CDC25C: variants seen among roughly 807,000 people sequenced by gnomAD.
The protein encoded by CDC25C is M-phase inducer phosphatase 3.
CDC25C carries 48 observed loss-of-function variants against 52.5 expected under a neutral mutation model. The ratio of observed to expected loss-of-function variants is 0.91; its 90% confidence interval spans 0.72 to 1.16. The LOEUF is 1.16. Among genes scored for constraint, CDC25C ranks in the 50% most tolerant of loss-of-function variants. CDC25C has a pLI of 0.00. For synonymous variants in CDC25C, 187 were observed against 206.5 expected (o/e 0.91, Z 0.81); for missense variants, 510 against 566.1 (o/e 0.90, Z 1.01).
intron 7 of CDC25C, among the ~76,000 whole-genome samples, chr5:138,306,769 C>A (rs571896179): frequency 4.2e-4 from 64 of 151,584 alleles, no homozygotes; most frequent in Non-Finnish European, 7.7e-4. Context: ...AGCCAATGTG[C>A]CTGGCCTATT....
At chr5:138,311,620 G>C (rs1459404618) in intron 7 of CDC25C, among the ~76,000 whole-genome samples, 1 of 152,072 alleles carries the variant, frequency 6.6e-6, no homozygotes, top group African/African-American at 2.4e-5. Flanking sequence ...GGAGGGGGTT[G>C]GGGGAGGCAC....
chr5:138,289,922 G>A (rs1317001781), intron 9 of CDC25C, among the ~76,000 whole-genome samples: 1 of 151,782 alleles, frequency 6.6e-6, no homozygotes, highest in Non-Finnish European at 1.5e-5. Flanking sequence ...GAAATGGGCT[G>A]GGCATGGTGG....
chr5:138,293,991 C>T (rs1036579245), intron 7 of CDC25C, among the ~76,000 whole-genome samples: 4 of 150,690 alleles, frequency 2.7e-5, no homozygotes, highest in African/African-American at 9.7e-5. Flanking sequence ...TTTGCCAACT[C>T]AAGGTCACAA....
chr5:138,319,765 A>G (rs1759200380), intron 6 of CDC25C, among the ~76,000 whole-genome samples: 1 of 152,244 alleles, frequency 6.6e-6, no homozygotes, highest in South Asian at 2.1e-4. Flanking sequence ...CAAATGGCCC[A>G]TAAGCACATC....
chr5:138,322,943 AT>A (rs1002781021), intron 6 of CDC25C, among the ~76,000 whole-genome samples: 16 of 144,722 alleles, frequency 1.1e-4, no homozygotes, highest in African/African-American at 1.5e-4. Flanking sequence ...TTTTATTTTT[AT>A]TTTTTTTTCC....
chr5:138,304,720 C>T (rs1251914311), intron 7 of CDC25C, among the ~76,000 whole-genome samples: 1 of 152,002 alleles, frequency 6.6e-6, no homozygotes, highest in African/African-American at 2.4e-5. Context: ...GTTGCCTAGA[C>T]TGGTCTCAAA....
Position 138,331,023 on chromosome 5 carries a change from AATTTGC to A in CDC25C, c.152_157del (p.Gly51_Phe53delinsVal). ...GCTTAGGTTTGCAGAATCACCAAGA[AATTTGC>A]CCACTGGAGTTCTAGGGACATCTGG... On this transcript the variant is annotated inframe_deletion, in exon 2 of 14. Transcript: ENST00000323760. The A allele has an allele frequency of 6.2e-7, 1 of 1,614,044 alleles. No homozygotes were observed.
At chr5:138,326,678 G>A (rs1759887226) in intron 4 of CDC25C, among the ~76,000 whole-genome samples, 1 of 152,138 alleles carries the variant, frequency 6.6e-6, no homozygotes, top group African/African-American at 2.4e-5. Context: ...TTCTGGCGGG[G>A]CGCTGTGGCC....
At chr5:138,299,713 A>G (rs1757496168) in intron 7 of CDC25C, among the ~76,000 whole-genome samples, 1 of 151,722 alleles carries the variant, frequency 6.6e-6, no homozygotes, top group African/African-American at 2.4e-5. Flanking sequence ...GAAGATCTCA[A>G]ATCAATTACC....
chr5:138,311,071 T>C (rs1019264968), intron 7 of CDC25C, among the ~76,000 whole-genome samples: 3 of 152,138 alleles, frequency 2.0e-5, no homozygotes, highest in Non-Finnish European at 4.4e-5. Context: ...GCCAAGACCA[T>C]TCAATGAAGA....
intron 10 of CDC25C, among the ~76,000 whole-genome samples, chr5:138,288,074 T>C (rs1756397466): frequency 6.6e-6 from 1 of 152,028 alleles, no homozygotes; most frequent in Admixed American, 6.6e-5. Context: ...TTCATCATGA[T>C]CCTTTTTTTT....
intron 7 of CDC25C, among the ~76,000 whole-genome samples, chr5:138,313,985 TTCTTTCTTTC>T (rs1395022180): frequency 5.7e-4 from 59 of 103,204 alleles, no homozygotes; most frequent in Non-Finnish European, 1.2e-3. Flanking sequence ...CTTTCTTTCT[TTCTTTCTTTC>T]TTTTTTTTTT....
At chr5:138,295,348 C>T (rs1365678308) in intron 7 of CDC25C, among the ~76,000 whole-genome samples, 1 of 152,196 alleles carries the variant, frequency 6.6e-6, no homozygotes, top group Admixed American at 6.5e-5. Flanking sequence ...TGGTAGCTCA[C>T]ACCTGTAATC....
rs141452946 is a variant in CDC25C, at chr5:138,299,838, T to C, written c.616-7722A>G. Among the ~76,000 whole-genome samples the C allele has an allele frequency of 4.0e-3, 606 of 152,018 alleles. 7 individuals are homozygous for C. The highest frequency in any genetic ancestry group is 0.014 in the African/African-American group (578 of 41,464). On this transcript the variant is annotated intron_variant, in intron 7 of 13. Coordinates refer to ENST00000323760, the MANE Select transcript of CDC25C (RefSeq NM_001790.5). ...ACAACAGAACCAAAAGTTGGTTCTTTGAAAAGATCAGCAAAAATCGACAAA... is the reference window on the plus strand; with the variant it reads ...ACAACAGAACCAAAAGTTGGTTCTTCGAAAAGATCAGCAAAAATCGACAAA...
upstream of CDC25C, among the ~76,000 whole-genome samples, chr5:138,336,464 G>A (rs1760711870): frequency 6.6e-6 from 1 of 152,122 alleles, no homozygotes; most frequent in Non-Finnish European, 1.5e-5. Context: ...TGGGAAGATT[G>A]TTTGAGGCCA....
In CDC25C at chr5:138,325,852, CT is replaced by C; in HGVS notation, c.421del (p.Arg141GlufsTer23). Reference protein sequence around the residue: ...PNGLDRGHRKRDAMCSSSANK... With the variant: ...PNGLDRGHRKXDAMCSSSANK... ...TGCAGATGAACTACACATTGCATCT[CT>C]CTTTCTATGGCCACGGTCCAAACCA... On this transcript the variant is annotated frameshift_variant, in exon 6 of 14. Transcript: ENST00000323760. LOFTEE classifies it high-confidence loss of function. The C allele has an allele frequency of 6.2e-7, 1 of 1,614,100 alleles. No individual in the cohort carries two copies. Among genetic ancestry groups the C allele is most frequent in the Non-Finnish European group, 8.5e-7 (1 of 1,179,946 alleles).
At chr5:138,318,562 A>G (rs1161584268) in intron 7 of CDC25C, among the ~76,000 whole-genome samples, 1 of 152,044 alleles carries the variant, frequency 6.6e-6, no homozygotes, top group African/African-American at 2.4e-5. Context: ...AAAAATACTA[A>G]AAATTACCCG....
intron 7 of CDC25C, among the ~76,000 whole-genome samples, chr5:138,310,245 C>T (rs147585849): frequency 4.1e-4 from 63 of 152,310 alleles, no homozygotes; most frequent in African/African-American, 1.4e-3. Flanking sequence ...TCTCCAATCT[C>T]GCTTCCAGGC....
intron 2 of CDC25C, among the ~76,000 whole-genome samples, chr5:138,329,959 A>G (rs540412225): frequency 6.6e-6 from 1 of 151,982 alleles, no homozygotes; most frequent in African/African-American, 2.4e-5. Flanking sequence ...TTAAACTCCT[A>G]ACCTCAGGTG....
Sources: allele counts gnomAD v4.1 joint callset (sites outside exome capture counted in the v4.1 genomes callset), GRCh38; gene constraint gnomAD v4.1.1; transcripts MANE v1.5; gene names NCBI Gene and HGNC (gene_info 2026-07-23, HGNC 2026-07-21).